GALNT17: variants seen among roughly 807,000 people sequenced by gnomAD.
The protein encoded by GALNT17 is polypeptide N-acetylgalactosaminyltransferase 17.
GALNT17 carries 29 observed loss-of-function variants against 63.7 expected under a neutral mutation model. That is an observed-to-expected ratio of 0.46 (90% confidence interval 0.34 to 0.62). The LOEUF (loss-of-function observed/expected upper bound fraction) is 0.62, where lower values mean the gene tolerates loss of function less well. Among genes scored for constraint, GALNT17 ranks in the 20% least tolerant of loss-of-function variants. GALNT17 has a pLI of 0.01. For missense variants in GALNT17, 603 were observed against 799.6 expected, an observed-to-expected ratio of 0.75 and a Z score of 2.97; for synonymous variants, 305 against 318.3, an observed-to-expected ratio of 0.96 and a Z score of 0.45.
chr7:71,660,708 C>T (rs1470867187), intron 6 of GALNT17, among the ~76,000 whole-genome samples: 1 of 152,228 alleles, frequency 6.6e-6, no homozygotes, highest in Non-Finnish European at 1.5e-5. Context: ...CGGGAATACC[C>T]CTCCATAGGG....
chr7:71,583,218 C>T (rs1789662614), intron 6 of GALNT17, among the ~76,000 whole-genome samples: 1 of 152,168 alleles, frequency 6.6e-6, no homozygotes, highest in East Asian at 1.9e-4. Context: ...CCTCAGCCTC[C>T]TGAGTAGCTG....
intron 5 of GALNT17, among the ~76,000 whole-genome samples, chr7:71,547,867 T>A (rs138734481): frequency 6.6e-6 from 1 of 152,256 alleles, no homozygotes; most frequent in East Asian, 1.9e-4. Context: ...AGTGATTTTT[T>A]TAAGGACACT....
At chr7:71,536,048 T>G (rs1788797255) in intron 5 of GALNT17, among the ~76,000 whole-genome samples, 1 of 152,202 alleles carries the variant, frequency 6.6e-6, no homozygotes, top group Admixed American at 6.5e-5. Context: ...GCAACTCATT[T>G]TATGACTCAA....
chr7:71,435,153 C>T (rs774008493), intron 5 of GALNT17, among the ~76,000 whole-genome samples: 2 of 152,086 alleles, frequency 1.3e-5, no homozygotes, highest in Non-Finnish European at 2.9e-5. Context: ...TAGCAAGACC[C>T]CATCTCTACA....
intron 6 of GALNT17, among the ~76,000 whole-genome samples, chr7:71,639,434 T>A (rs1790573608): frequency 6.6e-6 from 1 of 152,202 alleles, no homozygotes; most frequent in South Asian, 2.1e-4. Flanking sequence ...CTGTGCCTAC[T>A]GGTGTCCCAG....
intron 1 of GALNT17, among the ~76,000 whole-genome samples, chr7:71,211,505 C>T (rs988997053): frequency 1.3e-5 from 2 of 152,124 alleles, no homozygotes; most frequent in South Asian, 4.1e-4. Context: ...TTGGTACTAG[C>T]AGAGTGGGGT....
chr7:71,627,951 G>T (rs1227444465), intron 6 of GALNT17, among the ~76,000 whole-genome samples: 1 of 152,092 alleles, frequency 6.6e-6, no homozygotes, highest in Admixed American at 6.6e-5. Context: ...TTGAAGGGGG[G>T]TGCAAAAGAG....
intron 1 of GALNT17, among the ~76,000 whole-genome samples, chr7:71,150,883 G>A: frequency 6.6e-6 from 1 of 150,894 alleles, no homozygotes; most frequent in Non-Finnish European, 1.5e-5. Context: ...GTGTGTGCCT[G>A]TAGTCCCAGC....
intron 9 of GALNT17, among the ~76,000 whole-genome samples, chr7:71,687,153 C>A (rs1791371860): frequency 6.6e-6 from 1 of 152,190 alleles, no homozygotes; most frequent in African/African-American, 2.4e-5. Context: ...ATACATTTTC[C>A]TCCTCTTCTC....
At chr7:71,294,030 C>T (rs576216628) in intron 1 of GALNT17, among the ~76,000 whole-genome samples, 30 of 152,098 alleles carry the variant, frequency 2.0e-4, no homozygotes, top group African/African-American at 6.5e-4. Context: ...GGCATGGTGG[C>T]GGGTGCCTGT....
intron 1 of GALNT17, among the ~76,000 whole-genome samples, chr7:71,182,997 C>CA: frequency 6.6e-6 from 1 of 152,306 alleles, no homozygotes; most frequent in East Asian, 1.9e-4. Flanking sequence ...AGACCGTGTA[C>CA]ATTTCATGCC....
At chr7:71,701,817 A>ATGTG (rs375892740) in intron 9 of GALNT17, among the ~76,000 whole-genome samples, 88 of 7,788 alleles carry the variant, frequency 0.011, no homozygotes, top group Non-Finnish European at 0.024. Context: ...ATATATATAC[A>ATGTG]CATATATATA....
chr7:71,186,875 C>T (rs1788860604), intron 1 of GALNT17, among the ~76,000 whole-genome samples: 2 of 152,202 alleles, frequency 1.3e-5, no homozygotes, highest in Non-Finnish European at 2.9e-5. Flanking sequence ...TGTAGCCTGG[C>T]AACTCCTTCT....
chr7:71,252,739 A>G (rs1030185110), intron 1 of GALNT17, among the ~76,000 whole-genome samples: 5 of 152,172 alleles, frequency 3.3e-5, no homozygotes, highest in African/African-American at 1.2e-4. Context: ...GCCAAAGGGG[A>G]AAGTCAAGCT....
intron 1 of GALNT17, among the ~76,000 whole-genome samples, chr7:71,307,010 G>A (rs1232533244): frequency 6.6e-6 from 1 of 152,044 alleles, no homozygotes; most frequent in East Asian, 1.9e-4. Context: ...TTTTAGTGGA[G>A]ATGGGGTTTC....
intron 1 of GALNT17, among the ~76,000 whole-genome samples, chr7:71,309,029 C>G (rs1452251025): frequency 6.6e-6 from 1 of 152,140 alleles, no homozygotes; most frequent in Non-Finnish European, 1.5e-5. Context: ...CAGATGTGAG[C>G]CACTGCGCCC....
intron 5 of GALNT17, among the ~76,000 whole-genome samples, chr7:71,526,823 T>A (rs991848694): frequency 6.6e-6 from 1 of 152,172 alleles, no homozygotes; most frequent in South Asian, 2.1e-4. Flanking sequence ...CAATTACGTG[T>A]GATTTAAATC....
In GALNT17 at chr7:71,335,659, G is replaced by GA; in HGVS notation, c.350dup (p.Tyr118ValfsTer9). The stretch of plus-strand genomic sequence containing the variant: ...AAGAAAAGGCTAAGGGACCCCATGA[G>GA]AAGTATGGCTACAATTCATACCTCA... On this transcript the variant is annotated frameshift_variant, in exon 2 of 11. Transcript: ENST00000333538. LOFTEE classifies it high-confidence loss of function. The GA allele has an allele frequency of 6.2e-7, 1 of 1,613,706 alleles. No individual in the cohort carries two copies. Among genetic ancestry groups the GA allele is most frequent in the Non-Finnish European group, 8.5e-7 (1 of 1,179,818 alleles).
At position 71,185,052 on chromosome 7, in the gene GALNT17, T is replaced by TCCC. The variant is rs1291457609; in HGVS notation, c.238+52014_238+52015insCCC. Among the ~76,000 whole-genome samples the TCCC allele has an allele frequency of 8.9e-3, 1,092 of 123,110 alleles. 38 individuals carry two copies. The highest frequency in any genetic ancestry group is 0.037 in the African/African-American group (1,030 of 27,782). 80.8% of individuals were successfully genotyped at this position (123,110 alleles called of 152,430 possible). A position where few individuals can be genotyped will look rare whatever the true frequency, so the allele number is the denominator to read the frequency against. ...CTTCCTCTTCTCTTCCTCCCCCTCC[T>TCCC]CCTCCTCCTTCTGCTTCTTTTTCTC... On this transcript the variant is annotated intron_variant, in intron 1 of 10. Transcript: ENST00000333538.
Sources: allele counts gnomAD v4.1 joint callset (sites outside exome capture counted in the v4.1 genomes callset), GRCh38; gene constraint gnomAD v4.1.1; transcripts MANE v1.5; gene names NCBI Gene and HGNC (gene_info 2026-07-23, HGNC 2026-07-21).